Variants in ABCC4 observed in about 807,000 individuals in gnomAD.
ABCC4 encodes ATP-binding cassette sub-family C member 4.
ABCC4 carries 102 observed loss-of-function variants against 168.5 expected under a neutral mutation model. The observed-to-expected ratio is 0.61, with a 90% CI of 0.52 to 0.71. The LOEUF (loss-of-function observed/expected upper bound fraction) is 0.71, where lower values mean the gene tolerates loss of function less well. Ranked by LOEUF, ABCC4 falls within the 30% of genes least tolerant of loss-of-function variation. The pLI is 0.00. For missense variants in ABCC4, 1,402 were observed against 1,605.8 expected, an observed-to-expected ratio of 0.87 and a Z score of 2.17; for synonymous variants, 617 against 590.7, an observed-to-expected ratio of 1.04 and a Z score of -0.65.
At chr13:95,219,376 G>A (rs1273030916) in intron 4 of ABCC4, among the ~76,000 whole-genome samples, 1 of 152,138 alleles carries the variant, frequency 6.6e-6, no homozygotes, top group Non-Finnish European at 1.5e-5. Flanking sequence ...CCAGGGAGTG[G>A]GTAAAGAAGG....
chr13:95,234,901 C>T (rs2138759541), intron 3 of ABCC4, 67 bp from the exon 4 acceptor site: 1 of 1,167,674 alleles, frequency 8.6e-7, no homozygotes, highest in Non-Finnish European at 1.2e-6. Context: ...TTTTTACTTT[C>T]TCTTTTTTCA....
chr13:95,097,210 A>G (rs987016937), intron 20 of ABCC4, among the ~76,000 whole-genome samples: 1 of 18,876 alleles, frequency 5.3e-5, no homozygotes, highest in African/African-American at 2.2e-4. Context: ...TAAAAATGTG[A>G]TAGAAAAAAT....
chr13:95,131,724 T>C (rs149504834), intron 19 of ABCC4, among the ~76,000 whole-genome samples: 13 of 152,216 alleles, frequency 8.5e-5, no homozygotes, highest in African/African-American at 2.6e-4. Flanking sequence ...GTAGGATTCA[T>C]TGATTTAAGA....
intron 19 of ABCC4, among the ~76,000 whole-genome samples, chr13:95,151,589 G>T (rs1183778340): frequency 1.4e-5 from 2 of 141,150 alleles, no homozygotes; most frequent in African/African-American, 5.5e-5. Context: ...AGGAGAAGGA[G>T]AAGAAGGAGG....
intron 30 of ABCC4, among the ~76,000 whole-genome samples, chr13:95,025,200 ACCCC>A (rs1455874620): frequency 2.9e-5 from 2 of 69,626 alleles, no homozygotes; most frequent in African/African-American, 1.8e-4. Flanking sequence ...CACACCACAC[ACCCC>A]CACACCCCCC....
At chr13:95,144,283 G>T (rs1431294495) in intron 19 of ABCC4, among the ~76,000 whole-genome samples, 1 of 92,496 alleles carries the variant, frequency 1.1e-5, no homozygotes, top group African/African-American at 5.3e-5. Flanking sequence ...ATAGGAATGG[G>T]CGACATAACT....
At chr13:95,256,910 A>G (rs571505260) in intron 1 of ABCC4, among the ~76,000 whole-genome samples, 3 of 152,368 alleles carry the variant, frequency 2.0e-5, no homozygotes, top group South Asian at 2.1e-4. Flanking sequence ...AGCACTTGCC[A>G]GACTAAGGAA....
chr13:95,191,402 G>C (rs2139634375), intron 9 of ABCC4, among the ~76,000 whole-genome samples: 1 of 152,200 alleles, frequency 6.6e-6, no homozygotes, highest in African/African-American at 2.4e-5. Context: ...ATTAGCCCCA[G>C]ATTTCATAGG....
chr13:95,187,849 ATGACG>A (rs1413475931), intron 10 of ABCC4, among the ~76,000 whole-genome samples: 1 of 152,166 alleles, frequency 6.6e-6, no homozygotes, highest in African/African-American at 2.4e-5. Flanking sequence ...ATGCACAGAC[ATGACG>A]TGTCTGTGCC....
chr13:95,131,536 G>A (rs1388383688), intron 19 of ABCC4, among the ~76,000 whole-genome samples: 1 of 152,192 alleles, frequency 6.6e-6, no homozygotes, highest in Non-Finnish European at 1.5e-5. Flanking sequence ...GGCTGAGGCA[G>A]AAGAATTGCC....
intron 1 of ABCC4, among the ~76,000 whole-genome samples, chr13:95,267,335 A>G (rs941368597): frequency 2.0e-5 from 3 of 151,424 alleles, no homozygotes; most frequent in Non-Finnish European, 4.4e-5. Context: ...TATAAAGTGG[A>G]GTTTCCCTAC....
intron 1 of ABCC4, among the ~76,000 whole-genome samples, chr13:95,276,414 CAAAAAAAAA>C (rs60996116): frequency 0.098 from 8,621 of 87,760 alleles, 370 homozygotes; most frequent in South Asian, 0.13. Context: ...GACCCATCTC[CAAAAAAAAA>C]AAAAAAAAAA....
intron 30 of ABCC4, among the ~76,000 whole-genome samples, chr13:95,025,017 G>A (rs1324074543): frequency 6.6e-6 from 1 of 151,894 alleles, no homozygotes; most frequent in Non-Finnish European, 1.5e-5. Flanking sequence ...AATTGGAGGA[G>A]CGCTAAGGTA....
intron 1 of ABCC4, among the ~76,000 whole-genome samples, chr13:95,287,553 C>T (rs2041290689): frequency 6.6e-6 from 1 of 151,942 alleles, no homozygotes; most frequent in Non-Finnish European, 1.5e-5. Flanking sequence ...CGCCATTGCA[C>T]TCCAGCCTGG....
At chr13:95,085,523 C>A (rs1049577817) in intron 20 of ABCC4, among the ~76,000 whole-genome samples, 1 of 152,168 alleles carries the variant, frequency 6.6e-6, no homozygotes, top group African/African-American at 2.4e-5. Flanking sequence ...GGAAGACTTA[C>A]AACTGATTTT....
chr13:95,193,494 T>G (rs2038323361), intron 9 of ABCC4, among the ~76,000 whole-genome samples: 1 of 152,178 alleles, frequency 6.6e-6, no homozygotes, highest in African/African-American at 2.4e-5. Flanking sequence ...GGTGGCCTCC[T>G]CCACCCCTGC....
At chr13:95,176,717 TAGCATCTGCAGG>T (rs993257948) in intron 13 of ABCC4, among the ~76,000 whole-genome samples, 46 of 152,250 alleles carry the variant, frequency 3.0e-4, no homozygotes, top group African/African-American at 1.1e-3. Context: ...TTTCATGCAG[TAGCATCTGCAGG>T]AGCATCTACC....
chr13:95,181,202 C>T (rs976738216), intron 11 of ABCC4, among the ~76,000 whole-genome samples: 3 of 152,208 alleles, frequency 2.0e-5, no homozygotes, highest in African/African-American at 7.2e-5. Flanking sequence ...GGTTTGACGC[C>T]ATCTAACCAG....
intron 3 of ABCC4, among the ~76,000 whole-genome samples, chr13:95,238,265 TAAGG>T (rs1336969004): frequency 1.4e-5 from 2 of 145,656 alleles, no homozygotes; most frequent in African/African-American, 5.1e-5. Context: ...GATCCAGAGA[TAAGG>T]AAGAAAAAAG....
Sources: gnomAD v4.1 joint callset for allele counts (sites outside exome capture counted in the v4.1 genomes callset) on GRCh38, gnomAD v4.1.1 for gene constraint, MANE v1.5 for transcripts, NCBI Gene and HGNC (gene_info 2026-07-23, HGNC 2026-07-21) for gene names.